Variants in BPTF observed in about 807,000 individuals in gnomAD.
BPTF encodes the protein bromodomain PHD finger transcription factor, also known as nucleosome-remodeling factor subunit BPTF.
Under a neutral mutation model 292.5 loss-of-function variants are expected in BPTF, and 18 were observed. The observed-to-expected ratio is 0.06, with a 90% CI of 0.04 to 0.09. The LOEUF (loss-of-function observed/expected upper bound fraction) is 0.09. BPTF is among the 10% of genes least tolerant of loss of function. The pLI is 1.00. For missense variants in BPTF, 2,726 were observed against 3,498.7 expected (o/e 0.78, Z 5.57); for synonymous variants, 1,225 against 1,251.9 (o/e 0.98, Z 0.45).
At chr17:67,850,812 T>C (rs1300212271) in intron 1 of BPTF, among the ~76,000 whole-genome samples, 2 of 152,234 alleles carry the variant, frequency 1.3e-5, no homozygotes, top group African/African-American at 2.4e-5. Context: ...TCAGCTTGGT[T>C]GATTGTTTCT....
rs943348736 is a variant in BPTF at position 67,917,131 on chromosome 17, C to CTTTTTTTTTTTTTTTTT, written c.5304-1580_5304-1564dup. On this transcript the variant is annotated intron_variant, in intron 11 of 27. Transcript: ENST00000306378. ...GATAAGTAACTAATATGGTATTGTC[C>CTTTTTTTTTTTTTTTTT]TTTTTTTTTTTTTTTTTTTGAGATA... is the stretch of plus-strand genomic sequence containing the variant. Among the ~76,000 whole-genome samples the CTTTTTTTTTTTTTTTTT allele has an allele frequency of 9.9e-4, 105 of 105,774 alleles. 8 individuals carry two copies. The highest frequency in any genetic ancestry group is 1.4e-3 in the Non-Finnish European group (73 of 52,696). The allele number at this position is 105,774 out of a possible 152,430, so 69.4% of individuals were successfully genotyped here.
chr17:67,946,293 G>C lies in BPTF; in HGVS notation c.7585G>C (p.Ala2529Pro), dbSNP rs782292902. 6.2e-7 allele frequency: 1 copy of C among 1,613,968 alleles called. No homozygotes were observed. The highest frequency in any genetic ancestry group is 2.2e-5 in the East Asian group (1 of 44,874). Residue 2529 changes from alanine to proline, a missense_variant, in exon 21 of 28, where the codon GCT (alanine) becomes CCT (proline). By Grantham distance (27) the Ala-to-Pro change is conservative (BLOSUM62 -1). Around this residue, in one of 22 missense-constraint regions of BPTF, gnomAD observed 570 missense variants for 633.5 expected, o/e 0.90. Transcript: ENST00000306378. Reference protein sequence around the residue: ...IEIKREHTLQASNQSEIIQKQ... With the variant: ...IEIKREHTLQPSNQSEIIQKQ... The stretch of plus-strand genomic sequence containing the variant: ...AATTAAGCGTGAACACACCCTCCAA[G>C]CTTCTAATCAAAGTGAAATCATTCA...
At chr17:67,969,862 G>T (rs2068572074) in intron 26 of BPTF, among the ~76,000 whole-genome samples, 1 of 152,102 alleles carries the variant, frequency 6.6e-6, no homozygotes. Context: ...GGAGGCAGAG[G>T]TTGTGGTAAG....
chr17:67,926,515 G>A (rs572373971), intron 15 of BPTF, among the ~76,000 whole-genome samples: 3 of 151,410 alleles, frequency 2.0e-5, no homozygotes, highest in African/African-American at 4.8e-5. Flanking sequence ...TAGTAGAGAC[G>A]GGGTTTCACT....
chr17:67,828,620 C>T (rs1166911624), intron 1 of BPTF, among the ~76,000 whole-genome samples: 2 of 152,192 alleles, frequency 1.3e-5, no homozygotes, highest in Non-Finnish European at 2.9e-5. Context: ...CCTCCACCTC[C>T]TGGGTTCAAG....
At chr17:67,901,639 T>G (rs1014061053) in intron 7 of BPTF, among the ~76,000 whole-genome samples, 3 of 152,176 alleles carry the variant, frequency 2.0e-5, no homozygotes, top group African/African-American at 7.2e-5. Flanking sequence ...AAAATAAATA[T>G]GAAAGGCCAG....
Position 67,920,074 on chromosome 17 carries a change from T to C in BPTF, c.5488T>C (p.Tyr1830His), listed in dbSNP as rs776871749. The C allele has an allele frequency of 5.0e-6, 8 of 1,612,008 alleles. No individual in the cohort carries two copies. The Admixed American group carries it at 1.3e-4, about 27-fold the overall frequency. Residue 1830 changes from tyrosine (Y) to histidine (H), a missense_variant, in exon 13 of 28, where the codon TAT becomes CAT. Around this residue, in one of 22 missense-constraint regions of BPTF, gnomAD observed 198 missense variants for 277.1 expected, o/e 0.71. Transcript: ENST00000306378. ...AATTAAGAGGAGAGATGTTGGTCCT[T>C]ATGGCATTCGATCTGAATATTGTAT... ...EIIKRRDVGP[Y>H]GIRSEYCIRK... is the part of the protein sequence containing the mutation.
At chr17:67,973,067 A>AAT (rs1392359820) in intron 26 of BPTF, among the ~76,000 whole-genome samples, 6 of 144,358 alleles carry the variant, frequency 4.2e-5, no homozygotes, top group East Asian at 2.0e-4. Flanking sequence ...TATATATATA[A>AAT]ATATATATAT....
At chr17:67,834,581 A>G (rs909980766) in intron 1 of BPTF, among the ~76,000 whole-genome samples, 30 of 152,060 alleles carry the variant, frequency 2.0e-4, no homozygotes, top group African/African-American at 7.2e-4. Flanking sequence ...GAGGCTTTAT[A>G]TTCATGTATT....
intron 16 of BPTF, chr17:67,928,954 A>G (rs977427906): frequency 8.6e-7 from 1 of 1,168,850 alleles, no homozygotes; most frequent in Non-Finnish European, 1.1e-6. Flanking sequence ...CTTATACCCC[A>G]TTAGCCACCA....
At chr17:67,893,174 A>G in intron 5 of BPTF, 196 bp from the exon 6 acceptor site, 1 of 585,708 alleles carries the variant, frequency 1.7e-6, no homozygotes. Context: ...TTCTTTCTGC[A>G]GGCATATCTT....
chr17:67,966,359 C>A, intron 25 of BPTF: 1 of 476,972 alleles, frequency 2.1e-6, no homozygotes, highest in Non-Finnish European at 3.8e-6. Flanking sequence ...CCATTCCCAA[C>A]ACAAAGTCTT....
chr17:67,953,307 A>G (rs1374833547), intron 23 of BPTF, among the ~76,000 whole-genome samples: 2 of 141,830 alleles, frequency 1.4e-5, no homozygotes, highest in Non-Finnish European at 3.0e-5. Context: ...CCCAGGCTGG[A>G]CTGCAATGGC....
At chr17:67,848,021 C>A (rs1473920531) in intron 1 of BPTF, among the ~76,000 whole-genome samples, 1 of 152,078 alleles carries the variant, frequency 6.6e-6, no homozygotes, top group Admixed American at 6.6e-5. Context: ...AATGAACTTC[C>A]CCCTTCTCTA....
intron 4 of BPTF, among the ~76,000 whole-genome samples, chr17:67,876,604 G>A (rs140456884): frequency 1.3e-3 from 202 of 152,258 alleles, no homozygotes; most frequent in East Asian, 5.6e-3. Flanking sequence ...TCAGGAGTTC[G>A]AGACCAGCCT....
intron 4 of BPTF, among the ~76,000 whole-genome samples, chr17:67,888,025 CA>C (rs760174078): frequency 1.3e-3 from 205 of 152,270 alleles, no homozygotes; most frequent in South Asian, 2.7e-3. Context: ...ATGCCTCCAG[CA>C]AAAGTTGGGT....
intron 13 of BPTF, 106 bp from the exon 14 acceptor site, chr17:67,922,734 G>C (rs1035595381): frequency 1.5e-5 from 19 of 1,232,764 alleles, no homozygotes; most frequent in Non-Finnish European, 2.0e-5. Flanking sequence ...GAGACCATCT[G>C]GCTATTTAAG....
intron 23 of BPTF, among the ~76,000 whole-genome samples, chr17:67,953,924 A>G (rs1214279700): frequency 3.2e-5 from 3 of 93,146 alleles, no homozygotes; most frequent in Non-Finnish European, 6.9e-5. Flanking sequence ...CATTGATTTT[A>G]TTGGCTTTTT....
Position 67,945,530 on chromosome 17 carries a change from G to A in BPTF, c.6822G>A (p.Gln2274=). ...GPAEAQPQTA[Q]PSAQPQPQTQ... ...CAGAAGCCCAGCCACAGACTGCTCA[G>A]CCTTCAGCTCAGCCCCAGCCCCAAA... The change falls in exon 21 of 28, where the codon CAG becomes CAA. Residue 2274 remains glutamine, a synonymous_variant. Coordinates refer to ENST00000306378, the MANE Select transcript of BPTF (RefSeq NM_182641.4). 1 of 1,613,758 alleles carries A rather than the reference G, an allele frequency of 6.2e-7. No homozygotes were observed. The highest frequency in any genetic ancestry group is 1.7e-5 in the Admixed American group (1 of 59,952).
Sources: allele counts gnomAD v4.1 joint callset (sites outside exome capture counted in the v4.1 genomes callset), GRCh38; gene constraint gnomAD v4.1.1; regional missense constraint gnomAD v4.1.1; transcripts MANE v1.5; gene names NCBI Gene and HGNC (gene_info 2026-07-23, HGNC 2026-07-21).